Variants in ARSB observed in about 807,000 individuals in gnomAD.
ARSB encodes N-acetylgalactosamine-4-sulfatase.
In ARSB, 41 loss-of-function variants were observed where a neutral mutation model predicts 50.9. That is an observed-to-expected ratio of 0.81 (90% CI 0.63 to 1.04). The LOEUF (loss-of-function observed/expected upper bound fraction) is 1.04, where lower values mean the gene tolerates loss of function less well. Ranked by LOEUF, ARSB falls within the 50% of genes least tolerant of loss-of-function variation. The pLI is 0.00. For synonymous variants in ARSB, 269 were observed against 284.8 expected (o/e 0.94, Z 0.56); for missense variants, 672 against 693.3 (o/e 0.97, Z 0.35).
chr5:78,974,790 G>T (rs1752596122), intron 1 of ARSB, among the ~76,000 whole-genome samples: 1 of 152,178 alleles, frequency 6.6e-6, no homozygotes, highest in African/African-American at 2.4e-5. Context: ...CTTCCCTCCT[G>T]GGAAAATGTC....
At position 78,968,892 on chromosome 5, in the gene ARSB, T is replaced by C. The variant is rs1036106321; in HGVS notation, c.499+114A>G. On this transcript the variant is annotated intron_variant, in intron 2 of 7. Transcript: ENST00000264914. ...AAAGCAGCCCCATTACAGTGCCGAC[T>C]GATTCACTCTGTGTTCAAATATCCA... 1.1e-5 allele frequency: 14 copies of C among 1,239,284 alleles called. No individual in the cohort carries two copies. In the South Asian group the frequency reaches 1.5e-4, roughly 13 times the overall value. The allele number at this position is 1,239,284 out of a possible 1,614,324, so 76.8% of individuals were successfully genotyped here.
At chr5:78,835,234 A>G (rs1458332749) in intron 6 of ARSB, among the ~76,000 whole-genome samples, 1 of 152,076 alleles carries the variant, frequency 6.6e-6, no homozygotes, top group African/African-American at 2.4e-5. Context: ...TGTGCATGTG[A>G]CCATGAAAAA....
chr5:78,861,708 A>G lies in ARSB; in HGVS notation c.1143-22282T>C, dbSNP rs2112101776. Among the ~76,000 whole-genome samples the G allele has an allele frequency of 1.3e-5, 2 of 152,346 alleles. 1 individual carries two copies. Among genetic ancestry groups the G allele is most frequent in the Middle Eastern group, 6.8e-3 (2 of 294 alleles). ...TTCCCTTTGAAAACTGGCACAAGACAGGGATGCCCTCTTTCACCACTCCTA... is the reference window on the plus strand; with the variant it reads ...TTCCCTTTGAAAACTGGCACAAGACGGGGATGCCCTCTTTCACCACTCCTA... On this transcript the variant is annotated intron_variant, in intron 5 of 7. Transcript: ENST00000264914.
In ARSB at chr5:78,841,171, A is replaced by ACTAC. The variant is rs1554074366; in HGVS notation, c.1143-1746_1143-1745insGTAG. Among the ~76,000 whole-genome samples the ACTAC allele has an allele frequency of 5.4e-3, 336 of 62,028 alleles. 4 individuals carry two copies. Among genetic ancestry groups the ACTAC allele is most frequent in the African/African-American group, 0.017 (301 of 18,132 alleles). The allele number at this position is 62,028 out of a possible 152,430, so 40.7% of individuals were successfully genotyped here. Reference sequence around the variant, plus strand: ...ACTACTACTACTACTACTACTACTAATAATAATAATAATTTGAGCATGGTG... The same window carrying ACTAC: ...ACTACTACTACTACTACTACTACTAACTACTAATAATAATAATTTGAGCATGGTG... On this transcript the variant is annotated intron_variant, in intron 5 of 7. Transcript: ENST00000264914.
At chr5:78,868,932 G>GAC (rs1442636802) in intron 5 of ARSB, among the ~76,000 whole-genome samples, 1 of 151,746 alleles carries the variant, frequency 6.6e-6, no homozygotes, top group Non-Finnish European at 1.5e-5. Flanking sequence ...CACGTGCAGA[G>GAC]ACACACATAG....
intron 4 of ARSB, among the ~76,000 whole-genome samples, chr5:78,905,068 T>C (rs1347529743): frequency 2.0e-5 from 3 of 152,316 alleles, no homozygotes; most frequent in South Asian, 4.2e-4. Flanking sequence ...ATTGGACCCA[T>C]AGAGTTAATT....
chr5:78,883,673 A>G (rs1203184587), intron 5 of ARSB: 1 of 152,204 alleles, frequency 6.6e-6, no homozygotes, highest in Non-Finnish European at 1.5e-5. Context: ...TTGGGTTTGT[A>G]AGAGATGAGG....
chr5:78,852,696 A>G (rs1053575967), intron 5 of ARSB, among the ~76,000 whole-genome samples: 6 of 152,152 alleles, frequency 3.9e-5, no homozygotes, highest in East Asian at 1.9e-4. Context: ...AGGTACACCA[A>G]TCAGACGTAG....
At chr5:78,902,827 T>C (rs1748867508) in intron 4 of ARSB, among the ~76,000 whole-genome samples, 1 of 152,198 alleles carries the variant, frequency 6.6e-6, no homozygotes, top group Non-Finnish European at 1.5e-5. Flanking sequence ...TTTAAAATGT[T>C]CTAGAATTAG....
chr5:78,985,026 G>T lies in ARSB; in HGVS notation c.223C>A (p.Leu75Met). 6.5e-7 allele frequency: 1 copy of T among 1,541,812 alleles called. No homozygotes were observed. Among genetic ancestry groups the T allele is most frequent in the Non-Finnish European group, 8.7e-7 (1 of 1,146,408 alleles). Reference sequence around the variant, plus strand: ...TCCAGGAGCACCCCGCCGGCCGCCAGCGCGTCCAGGTGCGGCGTGCGGATG... The same window carrying T: ...TCCAGGAGCACCCCGCCGGCCGCCATCGCGTCCAGGTGCGGCGTGCGGATG... ...SRIRTPHLDA[L>M]AAGGVLLDNY... Residue 75 changes from leucine to methionine, a missense_variant, in exon 1 of 8, where the codon CTG becomes ATG. Leu to Met is a conservative substitution (Grantham distance 15, BLOSUM62 2). Coordinates refer to ENST00000264914, the MANE Select transcript of ARSB (RefSeq NM_000046.5).
At chr5:78,910,312 C>G (rs560718920) in intron 4 of ARSB, among the ~76,000 whole-genome samples, 1 of 152,190 alleles carries the variant, frequency 6.6e-6, no homozygotes, top group Non-Finnish European at 1.5e-5. Flanking sequence ...CTCAGTCTCT[C>G]GTCCCACCCG....
intron 4 of ARSB, among the ~76,000 whole-genome samples, chr5:78,904,685 C>CTTTTTTTTTTTTTTTTTT (rs55920994): frequency 1.0e-5 from 1 of 98,932 alleles, no homozygotes; most frequent in African/African-American, 4.1e-5. Flanking sequence ...TTCTTTCTTT[C>CTTTTTTTTTTTTTTTTTT]TTTTTTTTTT....
intron 5 of ARSB, among the ~76,000 whole-genome samples, chr5:78,856,734 C>G (rs1356169326): frequency 1.3e-5 from 2 of 152,158 alleles, no homozygotes; most frequent in Non-Finnish European, 2.9e-5. Context: ...CACACACACA[C>G]ATATATGCAT....
intron 6 of ARSB, among the ~76,000 whole-genome samples, chr5:78,833,762 T>C (rs1161211020): frequency 6.6e-6 from 1 of 152,192 alleles, no homozygotes; most frequent in East Asian, 1.9e-4. Context: ...ATTTGTCTAT[T>C]GAGGAGGTCT....
In ARSB at chr5:78,981,051, C is replaced by T. The variant is rs1580163020; in HGVS notation, c.312+3886G>A. On this transcript the variant is annotated intron_variant, in intron 1 of 7. Coordinates refer to ENST00000264914, the MANE Select transcript of ARSB (RefSeq NM_000046.5). ...CTGCAAGCTCCGCCTCCCGGGTTCA[C>T]GCCATTCTCCTGCCTCAGCCTCCCA... Among the ~76,000 whole-genome samples, 2 of 19,172 alleles carry T rather than the reference C, an allele frequency of 1.0e-4. 1 individual carries two copies. The highest frequency in any genetic ancestry group is 1.7e-4 in the Non-Finnish European group (2 of 11,686). 12.6% of individuals were successfully genotyped at this position (19,172 alleles called of 152,430 possible). A position where few individuals can be genotyped will look rare whatever the true frequency, so the allele number is the denominator to read the frequency against.
chr5:78,984,789 T>C (rs998112793), intron 1 of ARSB, 148 bp downstream of exon 1: 1 of 539,900 alleles, frequency 1.9e-6, no homozygotes, highest in Non-Finnish European at 2.6e-6. Context: ...AGAGCGAGGT[T>C]GGGGCGAGAA....
At chr5:78,980,789 C>G (rs1357956450) in intron 1 of ARSB, among the ~76,000 whole-genome samples, 1 of 151,058 alleles carries the variant, frequency 6.6e-6, no homozygotes, top group Non-Finnish European at 1.5e-5. Context: ...CCTTTTGCAG[C>G]TTTTAAGTTT....
chr5:78,821,337 CA>C (rs1334990391), intron 6 of ARSB, among the ~76,000 whole-genome samples: 2 of 152,128 alleles, frequency 1.3e-5, no homozygotes, highest in Non-Finnish European at 2.9e-5. Context: ...AGAGTTTCAC[CA>C]TGTCAGCCAG....
At chr5:78,966,923 AT>A (rs201124266) in intron 2 of ARSB, among the ~76,000 whole-genome samples, 2 of 59,718 alleles carry the variant, frequency 3.3e-5, no homozygotes, top group East Asian at 2.8e-4. Flanking sequence ...ATCCGGGTCC[AT>A]TTAAAAAAAA....
Sources: allele counts gnomAD v4.1 joint callset (sites outside exome capture counted in the v4.1 genomes callset), GRCh38; gene constraint gnomAD v4.1.1; transcripts MANE v1.5; gene names NCBI Gene and HGNC (gene_info 2026-07-23, HGNC 2026-07-21).